HMGB1: variants seen among roughly 807,000 people sequenced by gnomAD.
HMGB1 encodes high mobility group box 1.
For synonymous variants in HMGB1, 81 were observed against 84.0 expected, an observed-to-expected ratio of 0.96 and a Z score of 0.19; for missense variants, 79 against 253.5, an observed-to-expected ratio of 0.31 and a Z score of 4.67.
intron 1 of HMGB1, among the ~76,000 whole-genome samples, chr13:30,545,313 T>G (rs1869097384): frequency 6.6e-6 from 1 of 151,822 alleles, no homozygotes; most frequent in Non-Finnish European, 1.5e-5. Flanking sequence ...TGTGAGGGTG[T>G]TGTCACTGGG....
intron 1 of HMGB1, among the ~76,000 whole-genome samples, chr13:30,538,728 C>CTTTCT: frequency 9.9e-6 from 1 of 100,854 alleles, no homozygotes; most frequent in South Asian, 3.0e-4. Flanking sequence ...CTTTTTCTTT[C>CTTTCT]TTTTTCTTTC....
chr13:30,495,907 G>T (rs1327609842), intron 1 of HMGB1, among the ~76,000 whole-genome samples: 1 of 152,136 alleles, frequency 6.6e-6, no homozygotes, highest in East Asian at 1.9e-4. Context: ...TTCTCTGATT[G>T]TGGTTCAGTT....
chr13:30,464,365 G>C, intron 1 of HMGB1: 1 of 985,440 alleles, frequency 1.0e-6, no homozygotes, highest in Non-Finnish European at 1.2e-6. Flanking sequence ...AGTAAACAAG[G>C]ATGAGGGACA....
intron 1 of HMGB1, among the ~76,000 whole-genome samples, chr13:30,488,406 A>C: frequency 6.6e-6 from 1 of 152,186 alleles, no homozygotes; most frequent in East Asian, 1.9e-4. Context: ...ATAATTACAA[A>C]AATTTTAGAC....
chr13:30,514,750 G>A lies in HMGB1; in HGVS notation c.-14-51056C>T, dbSNP rs187379001. On this transcript the variant is annotated intron_variant, in intron 1 of 4. Transcript: ENST00000405805. ...ACTCCTGGGCTCAAGCCATCCTCCC[G>A]CCTCAGACTCCCAAGTAGCTGGGAG... is the stretch of plus-strand genomic sequence containing the variant. Among the ~76,000 whole-genome samples, 399 of 152,088 alleles carry A rather than the reference G, an allele frequency of 2.6e-3. 4 individuals are homozygous for A. The highest frequency in any genetic ancestry group is 9.2e-3 in the African/African-American group (380 of 41,496).
chr13:30,480,937 C>T (rs530072503), intron 1 of HMGB1, among the ~76,000 whole-genome samples: 29 of 151,718 alleles, frequency 1.9e-4, no homozygotes, highest in Non-Finnish European at 3.7e-4. Context: ...TCAATAATCT[C>T]ATCCCAAGCA....
In HMGB1 at chr13:30,554,445, T is replaced by C. The variant is rs1869583500; in HGVS notation, c.-15+62226A>G. The C allele has an allele frequency of 1.7e-5, 15 of 905,312 alleles. No homozygotes were observed. In the East Asian group the frequency reaches 2.9e-4, roughly 17 times the overall value. 56.1% of individuals were successfully genotyped at this position (905,312 alleles called of 1,614,324 possible). A position where few individuals can be genotyped will look rare whatever the true frequency, so the allele number is the denominator to read the frequency against. On this transcript the variant is annotated intron_variant, in intron 1 of 4. Transcript: ENST00000405805. ...ATGAGAAAATACTGAATGGGTCTTA[T>C]TCAGACCCCAGATCAACTGAGATTC...
At chr13:30,574,655 C>T (rs1870570261) in intron 1 of HMGB1, among the ~76,000 whole-genome samples, 1 of 152,104 alleles carries the variant, frequency 6.6e-6, no homozygotes, top group Admixed American at 6.5e-5. Flanking sequence ...AATTATGGAT[C>T]CAACTTTTCA....
At chr13:30,527,880 C>A (rs1378312992) in intron 1 of HMGB1, among the ~76,000 whole-genome samples, 1 of 152,138 alleles carries the variant, frequency 6.6e-6, no homozygotes, top group Non-Finnish European at 1.5e-5. Context: ...TAGTAGAATG[C>A]CTTCCATAGC....
intron 1 of HMGB1, among the ~76,000 whole-genome samples, chr13:30,582,218 A>G (rs1870930067): frequency 1.3e-5 from 2 of 152,216 alleles, no homozygotes; most frequent in South Asian, 4.1e-4. Context: ...TCCATACTTT[A>G]TTGGAATTAG....
intron 1 of HMGB1, among the ~76,000 whole-genome samples, chr13:30,594,828 C>T (rs957284018): frequency 2.6e-5 from 4 of 152,160 alleles, no homozygotes; most frequent in African/African-American, 9.7e-5. Context: ...TTCCCACCAA[C>T]GGCGTGTAAG....
chr13:30,608,997 C>A (rs1045763538), intron 1 of HMGB1, among the ~76,000 whole-genome samples: 5 of 139,482 alleles, frequency 3.6e-5, no homozygotes, highest in Admixed American at 7.2e-5. Context: ...CGCGGCGGCT[C>A]ACGCCTGTAA....
At chr13:30,503,452 A>C in intron 1 of HMGB1, among the ~76,000 whole-genome samples, 1 of 126,386 alleles carries the variant, frequency 7.9e-6, no homozygotes, top group Admixed American at 8.7e-5. Context: ...ATATATGAAT[A>C]AATAATAAAA....
intron 1 of HMGB1, among the ~76,000 whole-genome samples, chr13:30,574,944 C>T (rs1461470996): frequency 6.6e-6 from 1 of 152,140 alleles, no homozygotes; most frequent in African/African-American, 2.4e-5. Flanking sequence ...GCATATACTA[C>T]ATAAAAATTC....
chr13:30,537,752 G>A (rs895899303), intron 1 of HMGB1, among the ~76,000 whole-genome samples: 3 of 145,138 alleles, frequency 2.1e-5, no homozygotes, highest in African/African-American at 7.6e-5. Flanking sequence ...TCCATTCTGG[G>A]GATACTAGAG....
At chr13:30,466,243 G>C (rs1393973354), upstream of HMGB1, among the ~76,000 whole-genome samples, 1 of 151,994 alleles carries the variant, frequency 6.6e-6, no homozygotes, top group African/African-American at 2.4e-5. Context: ...AAAAGGGCCT[G>C]ACTTTTCCAC....
chr13:30,527,354 A>G (rs1309993216), intron 1 of HMGB1, among the ~76,000 whole-genome samples: 1 of 151,926 alleles, frequency 6.6e-6, no homozygotes, highest in Non-Finnish European at 1.5e-5. Context: ...GGGCCCCCTG[A>G]CCTTTGTCCC....
intron 1 of HMGB1, among the ~76,000 whole-genome samples, chr13:30,488,236 C>G (rs1262394652): frequency 6.6e-6 from 1 of 152,064 alleles, no homozygotes; most frequent in Non-Finnish European, 1.5e-5. Context: ...TTAATTATAG[C>G]CGACCAGTAA....
intron 1 of HMGB1, chr13:30,465,052 AG>A: frequency 1.7e-6 from 1 of 582,296 alleles, no homozygotes; most frequent in South Asian, 7.6e-5. Context: ...CTGTGAAAAG[AG>A]AGAGGAAAAA....
Sources: gnomAD v4.1 joint callset for allele counts (sites outside exome capture counted in the v4.1 genomes callset) on GRCh38, gnomAD v4.1.1 for gene constraint, MANE v1.5 for transcripts, NCBI Gene and HGNC (gene_info 2026-07-23, HGNC 2026-07-21) for gene names.